The following DNAH14 variants were observed in gnomAD, a reference collection of about 807,000 sequenced individuals.
DNAH14 encodes dynein axonemal heavy chain 14, also known as axonemal beta dynein heavy chain 14.
In DNAH14, 478 loss-of-function variants were observed where a neutral mutation model predicts 520.9. That is an observed-to-expected ratio of 0.92 (90% CI 0.85 to 0.99). The LOEUF is 0.99. Among genes scored for constraint, DNAH14 ranks in the 50% least tolerant of loss-of-function variants. The probability of loss-of-function intolerance (pLI) is 0.00; values close to 1 mark genes in which losing one functional copy is unlikely to be tolerated. For synonymous variants in DNAH14, 1,581 were observed against 1,757.2 expected, an observed-to-expected ratio of 0.90 and a Z score of 2.51; for missense variants, 4,831 against 5,234.5, an observed-to-expected ratio of 0.92 and a Z score of 2.38.
At chr1:225,299,854 C>T (rs2094104248) in intron 55 of DNAH14, among the ~76,000 whole-genome samples, 1 of 152,174 alleles carries the variant, frequency 6.6e-6, no homozygotes, top group South Asian at 2.1e-4. Context: ...AATACGTTAG[C>T]CCTGTGTCAC....
chr1:225,097,357 C>T, intron 22 of DNAH14, 118 bp downstream of exon 22: 3 of 938,904 alleles, frequency 3.2e-6, no homozygotes, highest in Non-Finnish European at 4.5e-6. Context: ...TACCTACAGA[C>T]ATAGGGGTAT....
intron 10 of DNAH14, among the ~76,000 whole-genome samples, chr1:225,015,563 A>G (rs1024186415): frequency 1.4e-4 from 21 of 152,182 alleles, no homozygotes; most frequent in Admixed American, 1.1e-3. Flanking sequence ...AGTCCATTCT[A>G]GAGGTGACGA....
chr1:225,023,904 T>C (rs1250526417), intron 11 of DNAH14, 39 bp downstream of exon 11: 1 of 1,490,016 alleles, frequency 6.7e-7, no homozygotes, highest in Non-Finnish European at 9.0e-7. Flanking sequence ...AACTTACAAT[T>C]ATAATATTTT....
intron 84 of DNAH14, among the ~76,000 whole-genome samples, chr1:225,393,482 A>G (rs181344894): frequency 6.6e-6 from 1 of 152,356 alleles, no homozygotes; most frequent in African/African-American, 2.4e-5. Context: ...ACATCTATAC[A>G]TAGAAATGCA....
intron 34 of DNAH14, among the ~76,000 whole-genome samples, chr1:225,157,608 A>G (rs1481393265): frequency 6.6e-6 from 1 of 152,156 alleles, no homozygotes; most frequent in Non-Finnish European, 1.5e-5. Flanking sequence ...CCATATCTAT[A>G]TTTAACACTT....
Position 225,184,753 on chromosome 1 carries a change from A to G in DNAH14, c.5536-538A>G, listed in dbSNP as rs115171062. Among the ~76,000 whole-genome samples, 804 of 151,926 alleles carry G rather than the reference A, an allele frequency of 5.3e-3. 7 individuals are homozygous for G. Among genetic ancestry groups the G allele is most frequent in the African/African-American group, 0.018 (749 of 41,472 alleles). On this transcript the variant is annotated intron_variant, in intron 36 of 85. Transcript: ENST00000682510. ...CATCAAAGGAACATATCTTAAAAAAAAGAGAGAGAGAGAGAAAGAAAGAAA... is the reference window on the plus strand; with the variant it reads ...CATCAAAGGAACATATCTTAAAAAAGAGAGAGAGAGAGAGAAAGAAAGAAA...
chr1:225,272,086 G>A lies in DNAH14; in HGVS notation c.7839+13G>A, dbSNP rs942043015. 3.2e-6 allele frequency: 5 copies of A among 1,540,686 alleles called. No homozygotes were observed. The highest frequency in any genetic ancestry group is 4.4e-6 in the Non-Finnish European group (5 of 1,141,928). ...AGATATGTTTAAGGTTTGTTTTAAT[G>A]TTCATTCTCTAGTTTATTTTTTAAA... is the stretch of plus-strand genomic sequence containing the variant. On this transcript the variant is annotated intron_variant, in intron 51 of 85. Transcript: ENST00000682510.
In DNAH14 at chr1:225,141,275, C is replaced by A. The variant is rs2079433892; in HGVS notation, c.4508+254C>A. On this transcript the variant is annotated intron_variant, in intron 28 of 85. Transcript: ENST00000682510. Reference sequence around the variant, plus strand: ...TATTACAATAAGATATTTAGAGAGACAGATCACATTCACATAACATGTGAA... The same window carrying A: ...TATTACAATAAGATATTTAGAGAGAAAGATCACATTCACATAACATGTGAA... Among the ~76,000 whole-genome samples the A allele has an allele frequency of 2.0e-5, 3 of 152,008 alleles. No homozygotes were observed. The South Asian group carries it at 6.2e-4, about 32-fold the overall frequency.
At chr1:225,352,177 A>ACATATTT (rs1574973199) in intron 72 of DNAH14, among the ~76,000 whole-genome samples, 2 of 152,184 alleles carry the variant, frequency 1.3e-5, no homozygotes, top group African/African-American at 2.4e-5. Flanking sequence ...GAACAAACCT[A>ACATATTT]CATATTTCAT....
intron 11 of DNAH14, among the ~76,000 whole-genome samples, chr1:225,036,962 T>C (rs935641326): frequency 6.6e-6 from 1 of 152,232 alleles, no homozygotes; most frequent in African/African-American, 2.4e-5. Flanking sequence ...TTGACCACTT[T>C]ATCATTATAT....
chr1:225,055,635 A>G (rs949504398), intron 17 of DNAH14, among the ~76,000 whole-genome samples: 3 of 151,998 alleles, frequency 2.0e-5, no homozygotes, highest in Non-Finnish European at 2.9e-5. Context: ...TGCTGCACCC[A>G]TTAACTCGTC....
At chr1:225,026,340 A>G (rs2148060138) in intron 11 of DNAH14, among the ~76,000 whole-genome samples, 1 of 152,072 alleles carries the variant, frequency 6.6e-6, no homozygotes, top group African/African-American at 2.4e-5. Flanking sequence ...GCCTAATCCA[A>G]AGTCTTGAAG....
intron 77 of DNAH14, among the ~76,000 whole-genome samples, chr1:225,374,248 C>T (rs1291549357): frequency 1.3e-4 from 10 of 77,892 alleles, no homozygotes; most frequent in Non-Finnish European, 1.9e-4. Flanking sequence ...ATATATTTGT[C>T]TATATATATA....
At chr1:225,099,037 G>C (rs933255811) in intron 22 of DNAH14, among the ~76,000 whole-genome samples, 2 of 152,062 alleles carry the variant, frequency 1.3e-5, no homozygotes, top group Non-Finnish European at 2.9e-5. Context: ...TCTCTAACGG[G>C]AATATATGAG....
intron 77 of DNAH14, among the ~76,000 whole-genome samples, chr1:225,373,906 G>A (rs933272612): frequency 1.3e-5 from 2 of 151,316 alleles, no homozygotes; most frequent in Admixed American, 6.6e-5. Flanking sequence ...CAGGCGGATC[G>A]CTTGAGCGCA....
chr1:225,207,231 T>G lies in DNAH14; in HGVS notation c.6439+11T>G. The G allele has an allele frequency of 6.7e-7, 1 of 1,503,434 alleles. No homozygotes were observed. The highest frequency in any genetic ancestry group is 8.9e-7 in the Non-Finnish European group (1 of 1,123,952). The allele number at this position is 1,503,434 out of a possible 1,614,324, so 93.1% of individuals were successfully genotyped here. On this transcript the variant is annotated intron_variant, in intron 41 of 85. Transcript: ENST00000682510. ...GAGGATTTGAACAAAGTGAGTTTTT[T>G]TCTCTAAGTCATATCAATGATATAT...
In DNAH14 at chr1:225,179,848, C is replaced by T. The variant is rs916961802; in HGVS notation, c.5536-5443C>T. On this transcript the variant is annotated intron_variant, in intron 36 of 85. Coordinates refer to ENST00000682510, the MANE Select transcript of DNAH14 (RefSeq NM_001367479.1). ...TTCATGTCTGAGAAAGTTTTTAACT[C>T]TCCTTCATGTTAGAAGAGTGGGTTT... Among the ~76,000 whole-genome samples, 4 of 152,132 alleles carry T rather than the reference C, an allele frequency of 2.6e-5. No individual in the cohort carries two copies. The South Asian group carries it at 8.3e-4, about 32-fold the overall frequency.
At chr1:225,137,711 GC>G (rs1180828156) in intron 27 of DNAH14, among the ~76,000 whole-genome samples, 3 of 152,040 alleles carry the variant, frequency 2.0e-5, no homozygotes, top group African/African-American at 7.2e-5. Flanking sequence ...GGAGGCTAGG[GC>G]CCCCCAGTGG....
At chr1:225,148,600 C>A (rs2149072525) in intron 31 of DNAH14, among the ~76,000 whole-genome samples, 1 of 151,958 alleles carries the variant, frequency 6.6e-6, no homozygotes, top group Middle Eastern at 3.4e-3. Context: ...TGGGGTTTCA[C>A]CATGTTGGTC....
Sources: gnomAD v4.1 joint callset for allele counts (sites outside exome capture counted in the v4.1 genomes callset) on GRCh38, gnomAD v4.1.1 for gene constraint, MANE v1.5 for transcripts, NCBI Gene and HGNC (gene_info 2026-07-23, HGNC 2026-07-21) for gene names.